DOCK8: variants seen among roughly 807,000 people sequenced by gnomAD.
The protein encoded by DOCK8 is dedicator of cytokinesis protein 8.
In DOCK8, 141 loss-of-function variants were observed where a neutral mutation model predicts 245.6. The observed-to-expected ratio is 0.57, with a 90% confidence interval of 0.50 to 0.66. The LOEUF (loss-of-function observed/expected upper bound fraction) is 0.66. Among genes scored for constraint, DOCK8 ranks in the 30% least tolerant of loss-of-function variants. The probability of loss-of-function intolerance (pLI) is 0.00; values close to 1 mark genes in which losing one functional copy is unlikely to be tolerated. For missense variants in DOCK8, 2,965 were observed against 2,603.4 expected (o/e 1.14, Z -3.02); for synonymous variants, 1,168 against 970.2 (o/e 1.20, Z -3.79).
intron 25 of DOCK8, 43 bp downstream of exon 25, chr9:396,977 A>C: frequency 6.4e-7 from 1 of 1,568,992 alleles, no homozygotes; most frequent in East Asian, 2.2e-5. Context: ...GTTTACCTGG[A>C]ACATATATTA....
chr9:462,246 C>A (rs925202033), intron 46 of DOCK8, among the ~76,000 whole-genome samples: 1 of 152,162 alleles, frequency 6.6e-6, no homozygotes, highest in African/African-American at 2.4e-5. Flanking sequence ...TGAATCCTAG[C>A]AATTTCAGTA....
At chr9:277,886 T>C (rs1414622200) in intron 2 of DOCK8, among the ~76,000 whole-genome samples, 2 of 152,240 alleles carry the variant, frequency 1.3e-5, no homozygotes, top group African/African-American at 2.4e-5. Context: ...GTTATGTGTA[T>C]AGGCTTCTGT....
intron 14 of DOCK8, chr9:366,126 C>G (rs1333761526): frequency 2.4e-5 from 4 of 163,668 alleles, no homozygotes; most frequent in African/African-American, 9.6e-5. Flanking sequence ...GCCTCCTGGC[C>G]TGAGCACCCC....
At chr9:294,429 G>A (rs2049171646) in intron 4 of DOCK8, among the ~76,000 whole-genome samples, 3 of 152,260 alleles carry the variant, frequency 2.0e-5, no homozygotes, top group South Asian at 4.1e-4. Flanking sequence ...TCTTGCCAGT[G>A]CTGGATATTA....
At chr9:308,604 C>A (rs1200071638) in intron 5 of DOCK8, among the ~76,000 whole-genome samples, 3 of 152,176 alleles carry the variant, frequency 2.0e-5, no homozygotes, top group African/African-American at 7.2e-5. Flanking sequence ...TATTGCAAAA[C>A]TTCCTTTTTC....
intron 7 of DOCK8, among the ~76,000 whole-genome samples, chr9:318,118 A>G (rs192126534): frequency 7.9e-5 from 12 of 152,368 alleles, no homozygotes; most frequent in East Asian, 5.8e-4. Context: ...TTCCACTGCA[A>G]TAGATTGTCT....
At chr9:343,496 A>AT (rs1014631383) in intron 14 of DOCK8, among the ~76,000 whole-genome samples, 1 of 152,146 alleles carries the variant, frequency 6.6e-6, no homozygotes, top group African/African-American at 2.4e-5. Context: ...AAAAAAAAAA[A>AT]AATAATTTAG....
At chr9:266,766 C>G (rs1008475670) in intron 1 of DOCK8, among the ~76,000 whole-genome samples, 1 of 152,144 alleles carries the variant, frequency 6.6e-6, no homozygotes, top group African/African-American at 2.4e-5. Context: ...TTAAATAAAT[C>G]CCAAGGCTCC....
chr9:433,736 A>T, intron 37 of DOCK8, 139 bp from the exon 38 acceptor site: 1 of 726,614 alleles, frequency 1.4e-6, no homozygotes, highest in South Asian at 1.5e-5. Flanking sequence ...AGTCAGGTCT[A>T]GATGACTCCG....
At chr9:355,112 C>CAG (rs1237953566) in intron 14 of DOCK8, among the ~76,000 whole-genome samples, 1 of 151,106 alleles carries the variant, frequency 6.6e-6, no homozygotes, top group Non-Finnish European at 1.5e-5. Flanking sequence ...ACAGGGAGGG[C>CAG]AGGTTAATTT....
intron 1 of DOCK8, among the ~76,000 whole-genome samples, chr9:245,967 C>T (rs975188482): frequency 2.0e-5 from 3 of 152,128 alleles, no homozygotes; most frequent in Admixed American, 2.0e-4. Flanking sequence ...CACCTGTAAC[C>T]CCAGCACTTT....
chr9:284,742 C>G (rs478152), intron 2 of DOCK8, among the ~76,000 whole-genome samples: 75,218 of 152,028 alleles, frequency 0.49, 19,426 homozygotes, highest in East Asian at 0.76. Flanking sequence ...TACATATACA[C>G]CATGGAATAC....
intron 14 of DOCK8, among the ~76,000 whole-genome samples, chr9:344,087 T>G (rs7045710): frequency 0.15 from 22,362 of 152,062 alleles, 1,964 homozygotes; most frequent in African/African-American, 0.24. Flanking sequence ...TTAATCTTCT[T>G]GAGCTGTACT....
intron 15 of DOCK8, chr9:369,301 T>C (rs988270049): frequency 6.6e-6 from 1 of 152,286 alleles, no homozygotes; most frequent in Non-Finnish European, 1.5e-5. Context: ...GTGCCAGATA[T>C]GCTTGTGCAG....
chr9:235,125 C>T (rs1353083606), intron 1 of DOCK8, among the ~76,000 whole-genome samples: 1 of 152,166 alleles, frequency 6.6e-6, no homozygotes, highest in African/African-American at 2.4e-5. Context: ...AGACAGGACC[C>T]TCAGCTGCAG....
At chr9:345,908 C>T (rs899616567) in intron 14 of DOCK8, among the ~76,000 whole-genome samples, 15 of 151,946 alleles carry the variant, frequency 9.9e-5, no homozygotes, top group African/African-American at 2.7e-4. Flanking sequence ...CCCGTGGGTC[C>T]GTGAGGGTTG....
chr9:218,048 T>C (rs1043039545), intron 1 of DOCK8, among the ~76,000 whole-genome samples: 1 of 152,222 alleles, frequency 6.6e-6, no homozygotes, highest in Non-Finnish European at 1.5e-5. Context: ...CTGATTAGTG[T>C]TTAATATATA....
At chr9:220,623 G>A (rs1208016432) in intron 1 of DOCK8, 5 of 292,824 alleles carry the variant, frequency 1.7e-5, no homozygotes, top group Admixed American at 4.8e-5. Context: ...TTTTTCAGTG[G>A]CAGGTGCTTA....
intron 26 of DOCK8, among the ~76,000 whole-genome samples, chr9:400,992 C>CCATCACCACCTCCTCCACCAT (rs1564017172): frequency 7.9e-6 from 1 of 126,738 alleles, no homozygotes; most frequent in Non-Finnish European, 1.8e-5. Flanking sequence ...ACCTCCTCCA[C>CCATCACCACCTCCTCCACCAT]CACCACCACC....
Sources: allele counts gnomAD v4.1 joint callset (sites outside exome capture counted in the v4.1 genomes callset), GRCh38; gene constraint gnomAD v4.1.1; transcripts MANE v1.5; gene names NCBI Gene and HGNC (gene_info 2026-07-23, HGNC 2026-07-21).